Variants in NLGN4X observed in about 807,000 individuals in gnomAD.
NLGN4X encodes the protein neuroligin-4, X-linked.
In NLGN4X, 3 loss-of-function variants were observed where a neutral mutation model predicts 40.3. The ratio of observed to expected loss-of-function variants is 0.07; its 90% CI spans 0.03 to 0.19. The LOEUF (loss-of-function observed/expected upper bound fraction) is 0.19, where lower values mean the gene tolerates loss of function less well. Ranked by LOEUF, NLGN4X falls within the 10% of genes least tolerant of loss-of-function variation. NLGN4X has a pLI of 1.00. For missense variants in NLGN4X, 382 were observed against 708.3 expected (o/e 0.54, Z 5.23); for synonymous variants, 270 against 306.8 (o/e 0.88, Z 1.25).
intron 2 of NLGN4X, among the ~76,000 whole-genome samples, chrX:6,133,541 A>T (rs2039733919): frequency 8.9e-6 from 1 of 111,937 alleles, no homozygotes; most frequent in African/African-American, 3.2e-5. Flanking sequence ...GTATCTGTTT[A>T]TATGTGGATT....
intron 3 of NLGN4X, among the ~76,000 whole-genome samples, chrX:5,933,767 C>T (rs1267416478): frequency 9.0e-6 from 1 of 111,303 alleles, no homozygotes; most frequent in Non-Finnish European, 1.9e-5. Flanking sequence ...GTAAAATTAA[C>T]GTTCAACAAA....
chrX:6,120,341 T>C (rs2039396075), intron 2 of NLGN4X, among the ~76,000 whole-genome samples: 1 of 111,839 alleles, frequency 8.9e-6, no homozygotes, highest in Non-Finnish European at 1.9e-5. Flanking sequence ...CTGGCACTTA[T>C]TTGGAACTAA....
chrX:5,957,062 A>T (rs190049380), intron 3 of NLGN4X, among the ~76,000 whole-genome samples: 66 of 111,137 alleles, frequency 5.9e-4, no homozygotes, highest in Admixed American at 1.2e-3. Context: ...CAAAGAAGAA[A>T]AGAAATGCAA....
At chrX:6,109,846 G>A (rs1331568792) in intron 2 of NLGN4X, among the ~76,000 whole-genome samples, 2 of 112,020 alleles carry the variant, frequency 1.8e-5, no homozygotes, top group East Asian at 5.6e-4. Flanking sequence ...TTTTGAGATT[G>A]CAAACCTTTT....
At chrX:6,107,001 A>C (rs1359816679) in intron 2 of NLGN4X, among the ~76,000 whole-genome samples, 1 of 112,858 alleles carries the variant, frequency 8.9e-6, no homozygotes, top group East Asian at 2.8e-4. Flanking sequence ...CAGATAACCT[A>C]AAAATTGAAA....
intron 3 of NLGN4X, among the ~76,000 whole-genome samples, chrX:5,939,167 A>G (rs1033442944): frequency 5.4e-5 from 6 of 111,565 alleles, no homozygotes; most frequent in Admixed American, 9.6e-5. Context: ...AGAAGGGAAC[A>G]GAAAGAGGAG....
In NLGN4X at chrX:5,933,768, G is replaced by A. The variant is rs780685198; in HGVS notation, c.626-24529C>T. On this transcript the variant is annotated intron_variant, in intron 3 of 5. Transcript: ENST00000381095. ...AGAAATAAGCATCGGTAAAATTAACGTTCAACAAACATAAATGGTTTAAAC... is the reference window on the plus strand; with the variant it reads ...AGAAATAAGCATCGGTAAAATTAACATTCAACAAACATAAATGGTTTAAAC... Among the ~76,000 whole-genome samples the A allele has an allele frequency of 4.5e-5, 5 of 111,120 alleles. 1 individual carries two copies. The highest frequency in any genetic ancestry group is 7.5e-5 in the Non-Finnish European group (4 of 53,008).
intron 1 of NLGN4X, among the ~76,000 whole-genome samples, chrX:6,208,920 T>C (rs1489567149): frequency 8.9e-6 from 1 of 112,183 alleles, no homozygotes; most frequent in African/African-American, 3.2e-5. Context: ...GTCAAAAGGA[T>C]ACCTGCACGC....
intron 3 of NLGN4X, among the ~76,000 whole-genome samples, chrX:5,941,178 GGGGTGTGT>G (rs59855636): frequency 0.32 from 16,462 of 51,844 alleles, 1,800 homozygotes; most frequent in South Asian, 0.46. Flanking sequence ...CGTATGCTAG[GGGGTGTGT>G]GTGTGTGTGT....
intron 3 of NLGN4X, among the ~76,000 whole-genome samples, chrX:5,941,155 C>T (rs1431672309): frequency 2.3e-5 from 2 of 86,421 alleles, no homozygotes; most frequent in African/African-American, 8.6e-5. Flanking sequence ...AAAGATAAAA[C>T]GTTGTTCTGG....
At chrX:6,224,331 T>C (rs1225848889) in intron 1 of NLGN4X, among the ~76,000 whole-genome samples, 2 of 111,961 alleles carry the variant, frequency 1.8e-5, no homozygotes, top group East Asian at 5.6e-4. Context: ...TGAGAACCTT[T>C]TGGTTGTGGT....
rs1458950723 is a variant in NLGN4X, at chrX:6,167,079, A to G, written c.-305-15308T>C. Among the ~76,000 whole-genome samples the G allele has an allele frequency of 3.7e-5, 4 of 106,685 alleles. No individual in the cohort carries two copies. In the East Asian group the frequency reaches 1.2e-3, roughly 31 times the overall value. The allele number at this position is 106,685 out of a possible 115,157, so 92.6% of individuals were successfully genotyped here. On this transcript the variant is annotated intron_variant, in intron 1 of 5. Coordinates refer to ENST00000381095, the MANE Select transcript of NLGN4X (RefSeq NM_181332.3). ...AGAGTGAAACTGTCTCAAAAAAAAA[A>G]AAAAAAAAAAAAGAAAGAATAAAAG...
At chrX:6,192,061 C>T (rs977164445) in intron 1 of NLGN4X, among the ~76,000 whole-genome samples, 1 of 111,600 alleles carries the variant, frequency 9.0e-6, no homozygotes, top group African/African-American at 3.3e-5. Flanking sequence ...TCCCCTACCC[C>T]TTACCTAGAA....
At chrX:5,946,039 T>C (rs768858386) in intron 3 of NLGN4X, among the ~76,000 whole-genome samples, 2 of 111,807 alleles carry the variant, frequency 1.8e-5, no homozygotes, top group African/African-American at 6.5e-5. Flanking sequence ...CTTCAAGCTA[T>C]ACTTTGTGCT....
intron 3 of NLGN4X, among the ~76,000 whole-genome samples, chrX:5,910,932 A>G (rs1377193771): frequency 9.0e-6 from 1 of 111,484 alleles, no homozygotes; most frequent in Non-Finnish European, 1.9e-5. Flanking sequence ...GGGTGCGATC[A>G]GACATTACCC....
chrX:6,205,471 A>G (rs939998993), intron 1 of NLGN4X, among the ~76,000 whole-genome samples: 14 of 112,422 alleles, frequency 1.2e-4, no homozygotes, highest in African/African-American at 4.5e-4. Context: ...CATTAATCCA[A>G]TTTCTAAAGG....
rs1389218628 is a variant in NLGN4X at position 6,191,094 on chromosome X, T to G, written c.-306+37447A>C. 4.6e-5 allele frequency among the ~76,000 whole-genome samples: 5 copies of G among 107,877 alleles called. No homozygotes were observed. The East Asian group carries it at 1.4e-3, about 30-fold the overall frequency. 93.7% of individuals were successfully genotyped at this position (107,877 alleles called of 115,157 possible). A position where few individuals can be genotyped will look rare whatever the true frequency, so the allele number is the denominator to read the frequency against. On this transcript the variant is annotated intron_variant, in intron 1 of 5. Coordinates refer to ENST00000381095, the MANE Select transcript of NLGN4X (RefSeq NM_181332.3). ...CTACTTTTATTTGTTTCAAATTGTT[T>G]TTTTTTTTTTAAGTAAACAATTTTC...
At chrX:6,172,242 T>C (rs959605163) in intron 1 of NLGN4X, among the ~76,000 whole-genome samples, 1 of 112,476 alleles carries the variant, frequency 8.9e-6, no homozygotes, top group African/African-American at 3.2e-5. Context: ...GCTTTTGTAG[T>C]TTGGAGTTTC....
At chrX:6,069,316 G>A (rs1438455778) in intron 2 of NLGN4X, among the ~76,000 whole-genome samples, 2 of 110,205 alleles carry the variant, frequency 1.8e-5, no homozygotes, top group African/African-American at 6.6e-5. Flanking sequence ...AATAAAAGTA[G>A]ACATCCATAC....
Sources: gnomAD v4.1 joint callset for allele counts (sites outside exome capture counted in the v4.1 genomes callset) on GRCh38, gnomAD v4.1.1 for gene constraint, MANE v1.5 for transcripts, NCBI Gene and HGNC (gene_info 2026-07-23, HGNC 2026-07-21) for gene names.